The following SIGLEC9 variants were observed in gnomAD, a reference collection of about 807,000 sequenced individuals.
SIGLEC9 encodes sialic acid binding Ig like lectin 9.
In SIGLEC9, 26 loss-of-function variants were observed where a neutral mutation model predicts 38.3. The observed-to-expected ratio is 0.68, with a 90% CI of 0.50 to 0.94. SIGLEC9 has a LOEUF of 0.94. SIGLEC9 is among the 40% of genes least tolerant of loss of function. SIGLEC9 has a pLI of 0.00. For synonymous variants in SIGLEC9, 236 were observed against 248.0 expected (o/e 0.95, Z 0.45); for missense variants, 556 against 585.7 (o/e 0.95, Z 0.52).
rs367907317 is a variant in SIGLEC9, at chr19:51,124,906, G to T, written c.-69G>T. On this transcript the variant is annotated 5_prime_UTR_variant, in exon 1 of 7. Coordinates refer to ENST00000250360, the MANE Select transcript of SIGLEC9 (RefSeq NM_014441.3). ...AGGGCCTCCTCTAAGTCTTGAGCCC[G>T]CAGTTCCTGAGAGAAGAACCCTGAG... 59 of 1,540,120 alleles carry T rather than the reference G, an allele frequency of 3.8e-5. No homozygotes were observed. The South Asian group carries it at 6.3e-4, about 16-fold the overall frequency.
At chr19:51,130,977 T>C (rs2092011954), downstream of SIGLEC9, among the ~76,000 whole-genome samples, 1 of 152,184 alleles carries the variant, frequency 6.6e-6, no homozygotes, top group East Asian at 1.9e-4. Context: ...GTTCAAGGAT[T>C]GGACTTCTGG....
chr19:51,132,012 G>A (rs1568614683), downstream of SIGLEC9, among the ~76,000 whole-genome samples: 1 of 152,174 alleles, frequency 6.6e-6, no homozygotes, highest in East Asian at 1.9e-4. Context: ...TGTTGGCGGT[G>A]GGGCCAAATG....
Position 51,128,513 on chromosome 19 carries a change from G to T in SIGLEC9, c.1203+3G>T. On this transcript the variant is annotated splice_donor_region_variant and intron_variant, in intron 6 of 6. Transcript: ENST00000250360. ...CTGTCAGGGGTTCAGCCTCTCAGGT[G>T]AGTGATGTGGACTCTCCACAGCCAG... 6.2e-7 allele frequency: 1 copy of T among 1,613,000 alleles called. No individual in the cohort carries two copies. The highest frequency in any genetic ancestry group is 8.5e-7 in the Non-Finnish European group (1 of 1,179,054).
upstream of SIGLEC9, chr19:51,120,042 G>A (rs1412759946): frequency 1.1e-5 from 2 of 174,864 alleles, no homozygotes; most frequent in Non-Finnish European, 2.4e-5. The surrounding 1 kb of genome is among the most constrained non-coding windows in gnomAD (Gnocchi z 4.1). Context: ...TGTGCTCTGC[G>A]CTGTTTTCTA....
intron 6 of SIGLEC9, 184 bp downstream of exon 6, chr19:51,128,694 G>T: frequency 1.7e-6 from 1 of 573,912 alleles, no homozygotes. Flanking sequence ...TATTGTCTCT[G>T]CTCCCTATCC....
upstream of SIGLEC9, among the ~76,000 whole-genome samples, chr19:51,121,954 CCT>C (rs1156282979): frequency 2.0e-5 from 3 of 151,920 alleles, no homozygotes; most frequent in Non-Finnish European, 2.9e-5. Context: ...ATGCTGTGCC[CCT>C]GATAGCACAA....
chr19:51,124,739 C>T (rs748776094), upstream of SIGLEC9, among the ~76,000 whole-genome samples: 37 of 152,206 alleles, frequency 2.4e-4, no homozygotes, highest in Middle Eastern at 0.01. Context: ...GTCTGTCTCC[C>T]GCTCTGGCCT....
At chr19:51,123,773 C>T (rs1348690711), upstream of SIGLEC9, among the ~76,000 whole-genome samples, 1 of 152,154 alleles carries the variant, frequency 6.6e-6, no homozygotes, top group African/African-American at 2.4e-5. Context: ...ATCTATATGG[C>T]TTATATTTCT....
chr19:51,124,646 C>A (rs145750222), upstream of SIGLEC9, among the ~76,000 whole-genome samples: 14 of 152,088 alleles, frequency 9.2e-5, no homozygotes, highest in Non-Finnish European at 1.3e-4. Flanking sequence ...TTTCACCCTG[C>A]AGAAAATGTC....
rs1466789703 is a variant in SIGLEC9 at position 51,126,226 on chromosome 19, G to A, written c.748+98G>A. 6.5e-6 allele frequency: 8 copies of A among 1,222,226 alleles called. No individual in the cohort carries two copies. The African/African-American group carries it at 7.4e-5, about 11-fold the overall frequency. 75.7% of individuals were successfully genotyped at this position (1,222,226 alleles called of 1,614,324 possible). On this transcript the variant is annotated intron_variant, in intron 3 of 6. Transcript: ENST00000250360. ...AACCTGGACTCACTTTGGCAAACAG[G>A]GATGTCCTTGTGGGTGAACTCAGGG...
upstream of SIGLEC9, chr19:51,120,791 AG>A: frequency 6.1e-6 from 1 of 163,638 alleles, no homozygotes. The surrounding 1 kb of genome is among the most constrained non-coding windows in gnomAD (Gnocchi z 4.1). Flanking sequence ...CCCCATGCCC[AG>A]GGCCCTGAGA....
chr19:51,123,057 T>G (rs1264581643), upstream of SIGLEC9: 1 of 152,462 alleles, frequency 6.6e-6, no homozygotes, highest in African/African-American at 2.4e-5. Context: ...TCTCACACGC[T>G]TCTACCCTTT....
Position 51,130,297 on chromosome 19 carries a change from C to A in SIGLEC9, c.*218C>A. 1 of 889,798 alleles carries A rather than the reference C, an allele frequency of 1.1e-6. No individual in the cohort carries two copies. Among genetic ancestry groups the A allele is most frequent in the Non-Finnish European group, 1.5e-6 (1 of 661,776 alleles). 55.1% of individuals were successfully genotyped at this position (889,798 alleles called of 1,614,324 possible). A position where few individuals can be genotyped will look rare whatever the true frequency, so the allele number is the denominator to read the frequency against. ...CCCTTTTATTTTTTTAACTAAAAGA[C>A]AGACAAATTCCTACCTCTCTGTACC... On this transcript the variant is annotated 3_prime_UTR_variant, in exon 7 of 7. Coordinates refer to ENST00000250360, the MANE Select transcript of SIGLEC9 (RefSeq NM_014441.3).
Position 51,128,611 on chromosome 19 carries a change from C to G in SIGLEC9, c.1203+101C>G, listed in dbSNP as rs1332083641. The G allele has an allele frequency of 7.1e-6, 7 of 984,126 alleles. No individual in the cohort carries two copies. In the South Asian group the frequency reaches 9.1e-5, roughly 13 times the overall value. 61.0% of individuals were successfully genotyped at this position (984,126 alleles called of 1,614,324 possible). The stretch of plus-strand genomic sequence containing the variant: ...CTGGGCGTAGCCAAAGTTACCTCCT[C>G]TCTGTTCTTCCTTTCTTCTCTGTAG... On this transcript the variant is annotated intron_variant, in intron 6 of 6. Transcript: ENST00000250360.
chr19:51,125,958 G>T, intron 2 of SIGLEC9, 83 bp downstream of exon 2: 6 of 1,597,224 alleles, frequency 3.8e-6, no homozygotes, highest in Non-Finnish European at 5.1e-6. Context: ...CGGAATCTGG[G>T]CTGGTGGTGG....
At chr19:51,124,369 A>G (rs918176103), upstream of SIGLEC9, among the ~76,000 whole-genome samples, 1 of 151,718 alleles carries the variant, frequency 6.6e-6, no homozygotes, top group African/African-American at 2.4e-5. Context: ...GTGCCCCCCA[A>G]CTGAAGCTCC....
chr19:51,132,679 G>A (rs908812007), downstream of SIGLEC9, among the ~76,000 whole-genome samples: 3 of 152,200 alleles, frequency 2.0e-5, no homozygotes, highest in Non-Finnish European at 4.4e-5. Context: ...TTGTCTGAGT[G>A]CTTCATTCTT....
chr19:51,132,378 G>A (rs532219582), downstream of SIGLEC9, among the ~76,000 whole-genome samples: 2 of 152,274 alleles, frequency 1.3e-5, no homozygotes, highest in South Asian at 4.1e-4. Context: ...GTCGAGGCAT[G>A]GAAAAATACT....
At chr19:51,133,005 G>GTATGTATATGTACATACAA (rs1199245626), downstream of SIGLEC9, among the ~76,000 whole-genome samples, 1 of 151,442 alleles carries the variant, frequency 6.6e-6, no homozygotes, top group Non-Finnish European at 1.5e-5. Flanking sequence ...ATAGATGAGT[G>GTATGTATATGTACATACAA]TATATGTATG....
Sources: allele counts gnomAD v4.1 joint callset (sites outside exome capture counted in the v4.1 genomes callset), GRCh38; gene constraint gnomAD v4.1.1; non-coding constraint Gnocchi (gnomAD v3.1); transcripts MANE v1.5; gene names NCBI Gene and HGNC (gene_info 2026-07-23, HGNC 2026-07-21).